BEND3: variants seen among roughly 807,000 people sequenced by gnomAD.
The protein encoded by BEND3 is BEN domain-containing protein 3.
A neutral mutation model predicts 60.1 loss-of-function variants in BEND3; 13 were observed. The ratio of observed to expected loss-of-function variants is 0.22; its 90% CI spans 0.14 to 0.34. The LOEUF (loss-of-function observed/expected upper bound fraction) is 0.34, where lower values mean the gene tolerates loss of function less well. BEND3 is among the 10% of genes least tolerant of loss of function. The probability of loss-of-function intolerance (pLI) is 1.00; values close to 1 mark genes in which losing one functional copy is unlikely to be tolerated. For synonymous variants in BEND3, 497 were observed against 491.5 expected (o/e 1.01, Z -0.15); for missense variants, 896 against 1,138.1 (o/e 0.79, Z 3.06).
intron 3 of BEND3, among the ~76,000 whole-genome samples, chr6:107,086,793 G>A (rs959522616): frequency 2.0e-5 from 3 of 151,854 alleles, no homozygotes; most frequent in Admixed American, 6.6e-5. Flanking sequence ...TTGGGAGGCC[G>A]AGGTGGGCGG....
chr6:107,103,173 G>C (rs965098030), intron 1 of BEND3, among the ~76,000 whole-genome samples: 11 of 152,182 alleles, frequency 7.2e-5, no homozygotes, highest in Non-Finnish European at 1.3e-4. Flanking sequence ...TTCTACAAGA[G>C]AGATGTGTAG....
intron 3 of BEND3, among the ~76,000 whole-genome samples, chr6:107,096,643 A>C (rs1369540559): frequency 6.6e-6 from 1 of 152,122 alleles, no homozygotes; most frequent in Admixed American, 6.6e-5. Flanking sequence ...TAAAAATAAA[A>C]ATGAAATGCC....
intron 3 of BEND3, among the ~76,000 whole-genome samples, chr6:107,075,030 G>A (rs1295191359): frequency 6.6e-6 from 1 of 152,008 alleles, no homozygotes; most frequent in Non-Finnish European, 1.5e-5. Context: ...GAACCCGGGA[G>A]GCGGAGGTGG....
chr6:107,071,131 A>T (rs1020672553), intron 3 of BEND3, among the ~76,000 whole-genome samples, 181 bp from the exon 4 acceptor site: 20 of 152,278 alleles, frequency 1.3e-4, no homozygotes, highest in South Asian at 2.1e-4. Context: ...CTGCATCCCC[A>T]CCACCCCAAA....
In BEND3 at chr6:107,065,195, A is replaced by G. The variant is rs1353550802; in HGVS notation, c.*3509T>C. 6.6e-6 allele frequency: 1 copy of G among 152,626 alleles called. No homozygotes were observed. Among genetic ancestry groups the G allele is most frequent in the Admixed American group, 6.6e-5 (1 of 15,266 alleles). The allele number at this position is 152,626 out of a possible 1,614,324, so 9.5% of individuals were successfully genotyped here. A position where few individuals can be genotyped will look rare whatever the true frequency, so the allele number is the denominator to read the frequency against. ...TACGAGACCATGTTTTTCTATTTTTATAACATTTTATATAACTCATAAAAC... is the reference window on the plus strand; with the variant it reads ...TACGAGACCATGTTTTTCTATTTTTGTAACATTTTATATAACTCATAAAAC... On this transcript the variant is annotated 3_prime_UTR_variant, in exon 4 of 4. Transcript: ENST00000369042.
At chr6:107,089,634 A>G (rs117062928) in intron 3 of BEND3, among the ~76,000 whole-genome samples, 3,250 of 145,552 alleles carry the variant, frequency 0.022, 51 homozygotes, top group Non-Finnish European at 0.038. Context: ...TCGCTCTGTC[A>G]CCCAGGCTAA....
chr6:107,091,548 A>T (rs1251555020), intron 3 of BEND3, among the ~76,000 whole-genome samples: 2 of 152,192 alleles, frequency 1.3e-5, no homozygotes, highest in Non-Finnish European at 2.9e-5. Flanking sequence ...CACAAATTTG[A>T]TAACCTAGAG....
chr6:107,083,895 C>CT (rs1775284005), intron 3 of BEND3, among the ~76,000 whole-genome samples: 1 of 152,110 alleles, frequency 6.6e-6, no homozygotes, highest in Admixed American at 6.6e-5. Context: ...TGAGACCAGA[C>CT]TTGGCAACAC....
intron 3 of BEND3, among the ~76,000 whole-genome samples, chr6:107,087,071 C>CCGGT (rs778968435): frequency 9.1e-4 from 138 of 151,120 alleles, no homozygotes; most frequent in Non-Finnish European, 1.8e-3. Context: ...CAAGCCTGGG[C>CCGGT]CGGTAATCCC....
At chr6:107,078,469 C>T (rs560521538) in intron 3 of BEND3, among the ~76,000 whole-genome samples, 1 of 150,966 alleles carries the variant, frequency 6.6e-6, no homozygotes, top group East Asian at 2.0e-4. Flanking sequence ...ATAAACATTT[C>T]TTTTTGAGAC....
At chr6:107,103,602 G>A (rs1427370833) in intron 1 of BEND3, among the ~76,000 whole-genome samples, 3 of 152,100 alleles carry the variant, frequency 2.0e-5, no homozygotes, top group South Asian at 2.1e-4. Context: ...TCTCCCCAAG[G>A]GATGTCTGTT....
chr6:107,072,654 T>C (rs1390625644), intron 3 of BEND3, among the ~76,000 whole-genome samples: 2 of 152,152 alleles, frequency 1.3e-5, no homozygotes, highest in African/African-American at 2.4e-5. Flanking sequence ...CAGAAAACTT[T>C]CATCATTCTG....
At chr6:107,102,679 C>A (rs1460172581) in intron 1 of BEND3, among the ~76,000 whole-genome samples, 1 of 152,236 alleles carries the variant, frequency 6.6e-6, no homozygotes, top group Non-Finnish European at 1.5e-5. Flanking sequence ...ATCAGCTTCA[C>A]TCATTAAGAA....
chr6:107,086,839 A>G (rs1775358825), intron 3 of BEND3, among the ~76,000 whole-genome samples: 1 of 151,760 alleles, frequency 6.6e-6, no homozygotes, highest in African/African-American at 2.4e-5. Context: ...ATCCTGGCCA[A>G]CATGGTAAAA....
intron 3 of BEND3, among the ~76,000 whole-genome samples, chr6:107,077,338 ACCCC>A (rs1291594006): frequency 6.6e-6 from 1 of 151,958 alleles, no homozygotes; most frequent in African/African-American, 2.4e-5. Context: ...CACAGGCGTG[ACCCC>A]ACTACTGATC....
At chr6:107,083,914 C>T (rs1179829110) in intron 3 of BEND3, among the ~76,000 whole-genome samples, 1 of 152,100 alleles carries the variant, frequency 6.6e-6, no homozygotes, top group African/African-American at 2.4e-5. Context: ...ACAGCGAGAC[C>T]CTATCTTGAA....
chr6:107,073,229 ATATATATATATATATATATATATATAT>A (rs1453138307), intron 3 of BEND3, among the ~76,000 whole-genome samples: 1 of 33,686 alleles, frequency 3.0e-5, no homozygotes, highest in East Asian at 7.5e-4. Flanking sequence ...ATATATATAT[ATATATATATATATATATATATATATAT>A]ATATATATGT....
At chr6:107,111,926 G>C (rs1257988298) in intron 1 of BEND3, among the ~76,000 whole-genome samples, 1 of 151,490 alleles carries the variant, frequency 6.6e-6, no homozygotes, top group East Asian at 1.9e-4. Flanking sequence ...ATGTTGCAGT[G>C]GGCCGAGATC....
intron 3 of BEND3, among the ~76,000 whole-genome samples, chr6:107,085,443 C>G (rs1554234085): frequency 6.6e-6 from 1 of 152,094 alleles, no homozygotes; most frequent in African/African-American, 2.4e-5. Context: ...ATCTGAAATA[C>G]CAGAGCATCC....
Sources: allele counts gnomAD v4.1 joint callset (sites outside exome capture counted in the v4.1 genomes callset), GRCh38; gene constraint gnomAD v4.1.1; transcripts MANE v1.5; gene names NCBI Gene and HGNC (gene_info 2026-07-23, HGNC 2026-07-21).